Variants in PRIM2 observed in about 807,000 individuals in gnomAD.
PRIM2 encodes the protein DNA primase subunit 2.
A neutral mutation model predicts 67.3 loss-of-function variants in PRIM2; 39 were observed. The observed-to-expected ratio is 0.58, with a 90% confidence interval of 0.45 to 0.76. PRIM2 has a LOEUF of 0.76. Ranked by LOEUF, PRIM2 falls within the 30% of genes least tolerant of loss-of-function variation. The pLI, the probability that PRIM2 is intolerant of heterozygous loss-of-function variation, is 0.00. For missense variants in PRIM2, 398 were observed against 598.7 expected (o/e 0.66, Z 3.50); for synonymous variants, 143 against 198.7 (o/e 0.72, Z 2.36).
chr6:57,480,856 G>C (rs1181744654), intron 7 of PRIM2, among the ~76,000 whole-genome samples: 12,712 of 152,176 alleles, frequency 0.084, 567 homozygotes, highest in Admixed American at 0.11. Flanking sequence ...TCCATTTCCT[G>C]ACCTTGTGAT....
intron 8 of PRIM2, among the ~76,000 whole-genome samples, chr6:57,525,913 G>A (rs1459668615): frequency 6.6e-6 from 1 of 152,120 alleles, no homozygotes; most frequent in Non-Finnish European, 1.5e-5. Context: ...GGTTGTACAG[G>A]GATTCCTGAA....
intron 8 of PRIM2, among the ~76,000 whole-genome samples, chr6:57,530,669 C>G (rs1343348154): frequency 2.6e-5 from 4 of 151,664 alleles, no homozygotes; most frequent in African/African-American, 9.7e-5. Flanking sequence ...TCCTTCTTAG[C>G]CTGTAGGAGG....
intron 7 of PRIM2, among the ~76,000 whole-genome samples, chr6:57,385,949 T>TG (rs1275315113): frequency 6.6e-6 from 1 of 151,078 alleles, no homozygotes; most frequent in Non-Finnish European, 1.5e-5. Flanking sequence ...TTTTTTTTTT[T>TG]GGTTATCACA....
chr6:57,225,641 C>G, the PRIM2 span, among the ~76,000 whole-genome samples: 1 of 152,080 alleles, frequency 6.6e-6, no homozygotes, highest in African/African-American at 2.4e-5. Context: ...AAAAAATGTC[C>G]ATTTGTTCCC....
the PRIM2 span, among the ~76,000 whole-genome samples, chr6:57,287,622 A>T: frequency 6.6e-6 from 1 of 152,070 alleles, no homozygotes; most frequent in African/African-American, 2.4e-5. Context: ...GGTGGGGGCA[A>T]GAGGAGGGAG....
intron 7 of PRIM2, among the ~76,000 whole-genome samples, chr6:57,440,542 G>A (rs1772171434): frequency 1.3e-5 from 2 of 152,204 alleles, no homozygotes; most frequent in African/African-American, 4.8e-5. Context: ...AGTAATTGTA[G>A]TTGTTTGTAG....
chr6:57,418,772 A>T (rs1335261220), intron 7 of PRIM2, among the ~76,000 whole-genome samples: 2 of 152,088 alleles, frequency 1.3e-5, no homozygotes, highest in African/African-American at 4.8e-5. Context: ...CACAGTCTCT[A>T]TAGAGGGACT....
chr6:57,239,204 T>C, the PRIM2 span, among the ~76,000 whole-genome samples: 2 of 152,158 alleles, frequency 1.3e-5, no homozygotes. Context: ...TTGGCCAGAC[T>C]GGTCTCGAAC....
intron 10 of PRIM2, among the ~76,000 whole-genome samples, chr6:57,591,721 G>A (rs1776284533): frequency 6.6e-6 from 1 of 152,128 alleles, no homozygotes; most frequent in Admixed American, 6.6e-5. Flanking sequence ...CACTACTGGC[G>A]AGAATGCAAA....
At chr6:57,642,238 T>C (rs1216685786) in intron 13 of PRIM2, among the ~76,000 whole-genome samples, 2 of 151,776 alleles carry the variant, frequency 1.3e-5, no homozygotes, top group Non-Finnish European at 2.9e-5. Context: ...TTGGGGGGGT[T>C]GTGCTAGGGG....
chr6:57,262,966 G>C, the PRIM2 span, among the ~76,000 whole-genome samples: 1 of 152,272 alleles, frequency 6.6e-6, no homozygotes, highest in African/African-American at 2.4e-5. Flanking sequence ...TGGGATGGAA[G>C]TGGGATGGTC....
intron 13 of PRIM2, 65 bp downstream of exon 13, chr6:57,632,266 T>C: frequency 1.0e-6 from 1 of 991,718 alleles, no homozygotes; most frequent in Non-Finnish European, 1.4e-6. Context: ...ACATTCAGGG[T>C]TTTTAGTTGC....
chr6:57,516,490 A>G (rs1313609000), intron 8 of PRIM2, among the ~76,000 whole-genome samples: 24 of 152,230 alleles, frequency 1.6e-4, no homozygotes, highest in African/African-American at 5.8e-4. Flanking sequence ...AGTTGAAAAA[A>G]GGTATAAGAA....
intron 5 of PRIM2, among the ~76,000 whole-genome samples, chr6:57,328,019 C>T (rs1767925868): frequency 6.6e-6 from 1 of 152,112 alleles, no homozygotes; most frequent in Admixed American, 6.5e-5. Context: ...AATCTAATGC[C>T]TCCACTAATC....
chr6:57,280,689 T>C, the PRIM2 span, among the ~76,000 whole-genome samples: 4 of 152,148 alleles, frequency 2.6e-5, no homozygotes, highest in African/African-American at 9.7e-5. Context: ...TTTGTAGTTT[T>C]AGTAGAAACG....
chr6:57,606,457 G>C lies in PRIM2; in HGVS notation c.1230G>C (p.Gln410His). 6.3e-7 allele frequency: 1 copy of C among 1,574,878 alleles called. No homozygotes were observed. Among genetic ancestry groups the C allele is most frequent in the Admixed American group, 1.7e-5 (1 of 57,800 alleles). The change falls in exon 12 of 14, where the codon CAG becomes CAC. Residue 410 changes from glutamine (Q) to histidine (H), a missense_variant and splice_region_variant. Coordinates refer to ENST00000615550, the MANE Select transcript of PRIM2 (RefSeq NM_000947.5). ...SYKISPGGIS[Q>H]ILDLVKGTHY... ...AGATCTCTCCTGGAGGGATAAGCCA[G>C]GTAGGTCATATTCTTCTCTCTGCAT...
chr6:57,426,606 A>C (rs1481098082), intron 7 of PRIM2, among the ~76,000 whole-genome samples: 1 of 152,242 alleles, frequency 6.6e-6, no homozygotes, highest in Non-Finnish European at 1.5e-5. Flanking sequence ...TTGAATGGCT[A>C]AAATTTAAAA....
At chr6:57,536,753 A>AT (rs1414599745) in intron 9 of PRIM2, among the ~76,000 whole-genome samples, 93 of 152,364 alleles carry the variant, frequency 6.1e-4, no homozygotes, top group Non-Finnish European at 9.6e-4. Flanking sequence ...ATATGATTCT[A>AT]TTATACTCTT....
chr6:57,420,854 A>G lies in PRIM2; in HGVS notation c.693+38686A>G, dbSNP rs577165920. On this transcript the variant is annotated intron_variant, in intron 7 of 13. Coordinates refer to ENST00000615550, the MANE Select transcript of PRIM2 (RefSeq NM_000947.5). ...ATGTTTACTTTGAGATGCCATAGAA[A>G]TATTCACTTGTGGAGATATCTGGCA... is the stretch of plus-strand genomic sequence containing the variant. Among the ~76,000 whole-genome samples, 50 of 152,352 alleles carry G rather than the reference A, an allele frequency of 3.3e-4. 1 individual carries two copies. Among genetic ancestry groups the G allele is most frequent in the Non-Finnish European group, 6.0e-4 (41 of 68,036 alleles).
Sources: allele counts gnomAD v4.1 joint callset (sites outside exome capture counted in the v4.1 genomes callset), GRCh38; gene constraint gnomAD v4.1.1; transcripts MANE v1.5; gene names NCBI Gene and HGNC (gene_info 2026-07-23, HGNC 2026-07-21).